Variants in CLN5 observed in about 807,000 individuals in gnomAD.
The protein encoded by CLN5 is CLN5 lysosomal BMP synthase.
Under a neutral mutation model 36.7 loss-of-function variants are expected in CLN5, and 34 were observed. The ratio of observed to expected loss-of-function variants is 0.93; its 90% CI spans 0.71 to 1.23. The LOEUF (loss-of-function observed/expected upper bound fraction) is 1.23, where lower values mean the gene tolerates loss of function less well. Among genes scored for constraint, CLN5 ranks in the 50% most tolerant of loss-of-function variants. CLN5 has a pLI of 0.00. For synonymous variants in CLN5, 151 were observed against 155.1 expected (o/e 0.97, Z 0.20); for missense variants, 427 against 439.4 (o/e 0.97, Z 0.25).
In CLN5 at chr13:77,002,250, G is replaced by T. The variant is rs1039967290; in HGVS notation, c.*1281G>T. On this transcript the variant is annotated 3_prime_UTR_variant, in exon 4 of 4. Coordinates refer to ENST00000377453, the MANE Select transcript of CLN5 (RefSeq NM_006493.4). ...TTAACCTGATCCAAATGAGTAAAGT[G>T]GACCTTAGAAAGGCTAAGTGATCTT... The T allele has an allele frequency of 2.0e-5, 3 of 152,200 alleles. No homozygotes were observed. The highest frequency in any genetic ancestry group is 4.4e-5 in the Non-Finnish European group (3 of 68,030). 9.4% of individuals were successfully genotyped at this position (152,200 alleles called of 1,614,324 possible). A position where few individuals can be genotyped will look rare whatever the true frequency, so the allele number is the denominator to read the frequency against.
At position 76,995,149 on chromosome 13, in the gene CLN5, A is replaced by C. The variant is rs1361528081; in HGVS notation, c.260A>C (p.Glu87Ala). The C allele has an allele frequency of 6.2e-7, 1 of 1,613,910 alleles. No homozygotes were observed. Among genetic ancestry groups the C allele is most frequent in the East Asian group, 2.2e-5 (1 of 44,890 alleles). The change falls in exon 2 of 4, where the codon GAG becomes GCG. Residue 87 changes from glutamate (E) to alanine (A), a missense_variant. Coordinates refer to ENST00000377453, the MANE Select transcript of CLN5 (RefSeq NM_006493.4). Reference sequence around the variant, plus strand: ...ACTGGCTCACCTATCCCAGTTATGGAGGGTGATGATGACATTGAAGTTTTT... The same window carrying C: ...ACTGGCTCACCTATCCCAGTTATGGCGGGTGATGATGACATTGAAGTTTTT... ...CPTGSPIPVM[E>A]GDDDIEVFRL... is the part of the protein sequence containing the mutation.
At chr13:76,992,326 G>A (rs1041866026) in intron 1 of CLN5, 55 bp downstream of exon 1, 2 of 932,432 alleles carry the variant, frequency 2.1e-6, no homozygotes, top group Admixed American at 2.3e-5. Flanking sequence ...GACGATGGGG[G>A]ATGGGGTGCT....
rs1566219012 is a variant in CLN5, at chr13:76,995,882, C to T, written c.340-20C>T. On this transcript the variant is annotated intron_variant, in intron 2 of 3. Coordinates refer to ENST00000377453, the MANE Select transcript of CLN5 (RefSeq NM_006493.4). ...TGGTTGTGTCACAGTTGCTTTTATA[C>T]ATGTACTGTCTTTACACAGAAAATT... 6.3e-7 allele frequency: 1 copy of T among 1,598,076 alleles called. No individual in the cohort carries two copies. Among genetic ancestry groups the T allele is most frequent in the Non-Finnish European group, 8.6e-7 (1 of 1,165,576 alleles).
At chr13:76,993,523 T>C (rs2034214953) in intron 1 of CLN5, 1 of 152,150 alleles carries the variant, frequency 6.6e-6, no homozygotes, top group Admixed American at 6.5e-5. Flanking sequence ...TAGGGCAAGG[T>C]GTTGACTATG....
intron 3 of CLN5, 140 bp from the exon 4 acceptor site, chr13:77,000,318 A>G: frequency 1.4e-6 from 1 of 731,760 alleles, no homozygotes; most frequent in Admixed American, 3.1e-5. Flanking sequence ...CCAGGAGGTC[A>G]AGGCTGCAGT....
Position 77,000,565 on chromosome 13 carries a change from T to C in CLN5, c.673T>C (p.Trp225Arg), listed in dbSNP as rs1159432395. 1.2e-6 allele frequency: 2 copies of C among 1,614,086 alleles called. No homozygotes were observed. The highest frequency in any genetic ancestry group is 1.7e-6 in the Non-Finnish European group (2 of 1,180,006). Reference sequence around the variant, plus strand: ...CAGCCCAGAAAAGGGGGCAGAGACATGGTTTGATTCCTACGACTGTTCCAA... The same window carrying C: ...CAGCCCAGAAAAGGGGGCAGAGACACGGTTTGATTCCTACGACTGTTCCAA... The part of the protein sequence containing the change: ...KASPEKGAET[W>R]FDSYDCSKFV... Residue 225 changes from tryptophan to arginine, a missense_variant, in exon 4 of 4, where the codon TGG (tryptophan) becomes CGG (arginine). Physicochemically the swap from Trp to Arg is moderately radical, Grantham distance 101. Coordinates refer to ENST00000377453, the MANE Select transcript of CLN5 (RefSeq NM_006493.4).
At position 76,992,220 on chromosome 13, in the gene CLN5, G is replaced by A; in HGVS notation, c.122G>A (p.Trp41Ter). ...ALLWLAVVPG[W>*]SRVSGIPSRR... is the part of the protein sequence containing the mutation. The stretch of plus-strand genomic sequence containing the variant: ...CTTTGGCTCGCGGTGGTTCCGGGCT[G>A]GTCCCGGGTCTCGGGCATCCCCTCC... Residue 41 changes from tryptophan (W) to a stop codon, truncating the protein, a stop_gained, in exon 1 of 4, where the codon TGG (tryptophan) becomes TAG (stop). Transcript: ENST00000377453. LOFTEE classifies it high-confidence loss of function. 6.3e-7 allele frequency: 1 copy of A among 1,599,214 alleles called. No individual in the cohort carries two copies. The highest frequency in any genetic ancestry group is 8.5e-7 in the Non-Finnish European group (1 of 1,177,032).
At chr13:76,995,680 A>G (rs2034252756) in intron 2 of CLN5, 2 of 599,960 alleles carry the variant, frequency 3.3e-6, no homozygotes, top group Admixed American at 2.8e-5. Flanking sequence ...CAGGCCTCCT[A>G]TTTGAGATGA....
rs2154035653 is a variant in CLN5, at chr13:77,004,831, A to G, written c.*3862A>G. On this transcript the variant is annotated 3_prime_UTR_variant, in exon 4 of 4. Coordinates refer to ENST00000377453, the MANE Select transcript of CLN5 (RefSeq NM_006493.4). ...TTTCTGATATGGTTACAACAGCCCA[A>G]ATTACCAAGATAAGTTGAAAGCCAG... 6.6e-6 allele frequency: 1 copy of G among 152,314 alleles called. No individual in the cohort carries two copies. The highest frequency in any genetic ancestry group is 2.1e-4 in the South Asian group (1 of 4,832). 9.4% of individuals were successfully genotyped at this position (152,314 alleles called of 1,614,324 possible). A position where few individuals can be genotyped will look rare whatever the true frequency, so the allele number is the denominator to read the frequency against.
rs1213346171 is a variant in CLN5 at position 77,004,330 on chromosome 13, C to G, written c.*3361C>G. 1 of 152,180 alleles carries G rather than the reference C, an allele frequency of 6.6e-6. No individual in the cohort carries two copies. Among genetic ancestry groups the G allele is most frequent in the African/African-American group, 2.4e-5 (1 of 41,448 alleles). 9.4% of individuals were successfully genotyped at this position (152,180 alleles called of 1,614,324 possible). ...ACTACACACATGCTTTTTCCCTGTT[C>G]ACAAAGGCAAACAGGCTGGCCAAAG... is the stretch of plus-strand genomic sequence containing the variant. On this transcript the variant is annotated 3_prime_UTR_variant, in exon 4 of 4. Transcript: ENST00000377453.
Position 77,000,490 on chromosome 13 carries a change from A to C in CLN5, c.598A>C (p.Lys200Gln). The change falls in exon 4 of 4, where the codon AAA becomes CAA. Residue 200 changes from lysine (K) to glutamine (Q), a missense_variant. Coordinates refer to ENST00000377453, the MANE Select transcript of CLN5 (RefSeq NM_006493.4). ...NMFNQMAKWV[K>Q]QDNETGIYYE... ...GTTCAACCAAATGGCAAAGTGGGTG[A>C]AACAGGACAATGAAACAGGAATTTA... 2.5e-6 allele frequency: 4 copies of C among 1,613,906 alleles called. No individual in the cohort carries two copies. The highest frequency in any genetic ancestry group is 3.4e-6 in the Non-Finnish European group (4 of 1,179,960).
intron 3 of CLN5, 172 bp from the exon 4 acceptor site, chr13:77,000,286 G>A (rs767037205): frequency 9.2e-5 from 51 of 554,220 alleles, no homozygotes; most frequent in Middle Eastern, 9.7e-4. Flanking sequence ...TCAGGAGGCC[G>A]AGGTGGGAGG....
Position 76,996,036 on chromosome 13 carries a change from G to A in CLN5, c.474G>A (p.Trp158Ter). 1 of 1,614,164 alleles carries A rather than the reference G, an allele frequency of 6.2e-7. No homozygotes were observed. The highest frequency in any genetic ancestry group is 1.1e-5 in the South Asian group (1 of 91,086). ...GACCTGAAATGGATGCCCCTTTCTG[G>A]TGTAATCAAGGCGCTGCCTGCTTTT... ...HLRPEMDAPF[W>*]CNQGAACFFE... The change falls in exon 3 of 4, where the codon TGG becomes TGA. Residue 158 changes from tryptophan (W) to a stop codon, truncating the protein, a stop_gained. Coordinates refer to ENST00000377453, the MANE Select transcript of CLN5 (RefSeq NM_006493.4). LOFTEE classifies it high-confidence loss of function.
intron 1 of CLN5, chr13:76,994,129 A>G (rs1044337696): frequency 6.6e-6 from 1 of 152,192 alleles, no homozygotes; most frequent in Non-Finnish European, 1.5e-5. Context: ...CAGTCCTGTC[A>G]GATCTGCTAC....
intron 1 of CLN5, 154 bp from the exon 2 acceptor site, chr13:76,994,909 G>A (rs1159830675): frequency 1.6e-6 from 1 of 643,856 alleles, no homozygotes; most frequent in South Asian, 2.1e-5. Flanking sequence ...ATTATTGGAA[G>A]TTTGTTCACA....
At chr13:76,996,224 C>A in intron 3 of CLN5, 97 bp downstream of exon 3, 1 of 1,033,786 alleles carries the variant, frequency 9.7e-7, no homozygotes, top group Non-Finnish European at 1.5e-6. Context: ...TAATGTTTTA[C>A]TTAGAGGTCA....
chr13:76,999,445 C>T (rs893177824), intron 3 of CLN5: 6 of 152,190 alleles, frequency 3.9e-5, no homozygotes, highest in Middle Eastern at 3.1e-3. Context: ...AGTATGAACT[C>T]GGCCTAAAAC....
chr13:76,998,599 A>T (rs1402568530), intron 3 of CLN5: 1 of 152,224 alleles, frequency 6.6e-6, no homozygotes, highest in Non-Finnish European at 1.5e-5. Context: ...ATTTGGAGGT[A>T]TGTTAACTCA....
In CLN5 at chr13:77,004,547, TG is replaced by T. The variant is rs2034418874; in HGVS notation, c.*3581del. 2 of 152,160 alleles carry T rather than the reference TG, an allele frequency of 1.3e-5. No individual in the cohort carries two copies. Among genetic ancestry groups the T allele is most frequent in the Non-Finnish European group, 2.9e-5 (2 of 68,024 alleles). The allele number at this position is 152,160 out of a possible 1,614,324, so 9.4% of individuals were successfully genotyped here. On this transcript the variant is annotated 3_prime_UTR_variant, in exon 4 of 4. Coordinates refer to ENST00000377453, the MANE Select transcript of CLN5 (RefSeq NM_006493.4). ...AAAGGCTTTGTGCCCTTTTTAAAGTTGGGTGTCAGCAAGCAGCTGGAATTTT... is the reference window on the plus strand; with the variant it reads ...AAAGGCTTTGTGCCCTTTTTAAAGTTGGTGTCAGCAAGCAGCTGGAATTTT...
Sources: gnomAD v4.1 joint callset for allele counts on GRCh38, gnomAD v4.1.1 for gene constraint, MANE v1.5 for transcripts, NCBI Gene and HGNC (gene_info 2026-07-23, HGNC 2026-07-21) for gene names.